KLHL22: variants seen among roughly 807,000 people sequenced by gnomAD.
KLHL22 encodes kelch like family member 22.
Under a neutral mutation model 60.7 loss-of-function variants are expected in KLHL22, and 18 were observed. That is an observed-to-expected ratio of 0.30 (90% CI 0.20 to 0.44). The LOEUF (loss-of-function observed/expected upper bound fraction) is 0.44, where lower values mean the gene tolerates loss of function less well. KLHL22 is among the 20% of genes least tolerant of loss of function. The pLI is 1.00. For missense variants in KLHL22, 596 were observed against 852.3 expected, an observed-to-expected ratio of 0.70 and a Z score of 3.74; for synonymous variants, 355 against 354.5, an observed-to-expected ratio of 1.00 and a Z score of -0.01.
rs572955311 is a variant in KLHL22, at chr22:20,451,005, C to T, written c.1306-4329G>A. The T allele has an allele frequency of 3.2e-5, 50 of 1,541,366 alleles. 1 individual carries two copies. The South Asian group carries it at 4.9e-4, about 15-fold the overall frequency. On this transcript the variant is annotated intron_variant, in intron 5 of 6. Coordinates refer to ENST00000328879, the MANE Select transcript of KLHL22 (RefSeq NM_032775.4). Reference sequence around the variant, plus strand: ...GCTTCGGAAGCCAGCAGTCTCCCATCGATGCAGTAGAGAAATATGACCCCA... The same window carrying T: ...GCTTCGGAAGCCAGCAGTCTCCCATTGATGCAGTAGAGAAATATGACCCCA...
intron 4 of KLHL22, among the ~76,000 whole-genome samples, chr22:20,460,535 G>A (rs1309664991): frequency 7.2e-6 from 1 of 139,350 alleles, no homozygotes; most frequent in Non-Finnish European, 1.5e-5. Flanking sequence ...CTTGAACCCG[G>A]GAGGCAGAAG....
chr22:20,450,328 G>A, intron 5 of KLHL22: 3 of 1,255,510 alleles, frequency 2.4e-6, no homozygotes, highest in Non-Finnish European at 3.5e-6. Flanking sequence ...TATAGAAGGG[G>A]AAACCCTATG....
chr22:20,465,889 C>CACTA lies in KLHL22; in HGVS notation c.394-317_394-314dup, dbSNP rs2053227398. ...GGAGTGCAGTGGCAGAATCTCGGCT[C>CACTA]ACTAACACCTCCCCCTCCCGGGTTG... On this transcript the variant is annotated intron_variant, in intron 3 of 6. Coordinates refer to ENST00000328879, the MANE Select transcript of KLHL22 (RefSeq NM_032775.4). This position sits in a 1 kb window ranked among gnomAD's most constrained non-coding sequence, Gnocchi z 4.9. Among the ~76,000 whole-genome samples, 1 of 152,052 alleles carries CACTA rather than the reference C, an allele frequency of 6.6e-6. No homozygotes were observed. The highest frequency in any genetic ancestry group is 1.5e-5 in the Non-Finnish European group (1 of 68,022).
At chr22:20,449,969 C>T (rs955045621) in intron 5 of KLHL22, among the ~76,000 whole-genome samples, 3 of 152,190 alleles carry the variant, frequency 2.0e-5, no homozygotes, top group Non-Finnish European at 2.9e-5. Flanking sequence ...GGGGCGGCGG[C>T]GGCGACGCTT....
At chr22:20,483,201 C>T (rs1302174772) in intron 2 of KLHL22, 12 of 650,780 alleles carry the variant, frequency 1.8e-5, no homozygotes, top group East Asian at 1.1e-4. Flanking sequence ...AAGGACTGGA[C>T]GTACGTCTCA....
intron 2 of KLHL22, among the ~76,000 whole-genome samples, chr22:20,487,167 G>A (rs952633273): frequency 5.9e-5 from 9 of 152,110 alleles, no homozygotes; most frequent in African/African-American, 1.4e-4. Context: ...TGATCCACCC[G>A]CCTCGGCCTC....
At chr22:20,459,092 G>A (rs1443378222) in intron 4 of KLHL22, among the ~76,000 whole-genome samples, 1 of 152,236 alleles carries the variant, frequency 6.6e-6, no homozygotes, top group Non-Finnish European at 1.5e-5. Context: ...CCAGGACCCA[G>A]TGAGCTCAAA....
At chr22:20,461,649 T>C (rs1157085004) in intron 4 of KLHL22, among the ~76,000 whole-genome samples, 4 of 152,020 alleles carry the variant, frequency 2.6e-5, no homozygotes, top group Non-Finnish European at 5.9e-5. Flanking sequence ...TAATGTCTAT[T>C]AAATTTTTTA....
At chr22:20,444,316 C>G (rs1482680865) in intron 6 of KLHL22, among the ~76,000 whole-genome samples, 1 of 152,178 alleles carries the variant, frequency 6.6e-6, no homozygotes, top group Non-Finnish European at 1.5e-5. Context: ...ATGCCCTGAC[C>G]GCACCCTGGT....
At chr22:20,449,767 T>C (rs1473638221) in intron 5 of KLHL22, among the ~76,000 whole-genome samples, 1 of 152,244 alleles carries the variant, frequency 6.6e-6, no homozygotes. Flanking sequence ...CTTTGTCAGA[T>C]AGGTGGTTTG....
At chr22:20,483,987 T>G in intron 2 of KLHL22, 1 of 704,454 alleles carries the variant, frequency 1.4e-6, no homozygotes, top group Admixed American at 1.9e-5. Context: ...ACCAGAGCCC[T>G]CGGTGCCTGC....
At chr22:20,461,468 G>C (rs914100449) in intron 4 of KLHL22, among the ~76,000 whole-genome samples, 1 of 149,722 alleles carries the variant, frequency 6.7e-6, no homozygotes. Context: ...CAGGAGAATG[G>C]TGTGAACCCA....
chr22:20,446,606 T>C lies in KLHL22; in HGVS notation c.1376A>G (p.Tyr459Cys). 1 of 1,613,826 alleles carries C rather than the reference T, an allele frequency of 6.2e-7. No homozygotes were observed. Among genetic ancestry groups the C allele is most frequent in the Non-Finnish European group, 8.5e-7 (1 of 1,180,030 alleles). The change falls in exon 6 of 7, where the codon TAC becomes TGC. Residue 459 changes from tyrosine to cysteine, a missense_variant. By Grantham distance (194) the Tyr-to-Cys change is radical (BLOSUM62 -2). Coordinates refer to ENST00000328879, the MANE Select transcript of KLHL22 (RefSeq NM_032775.4). ...ATCGTAGCAGTGTGTCTCTTTCAGGTAATCCTCCCCTCTGCGGCCGCAGGT... is the reference window on the plus strand; with the variant it reads ...ATCGTAGCAGTGTGTCTCTTTCAGGCAATCCTCCCCTCTGCGGCCGCAGGT... ...YITCGRRGEDYLKETHCYDPG... is the reference protein window; with the variant it reads ...YITCGRRGEDCLKETHCYDPG...
intron 5 of KLHL22, among the ~76,000 whole-genome samples, chr22:20,453,256 TC>T (rs1200357303): frequency 4.6e-5 from 7 of 152,100 alleles, no homozygotes; most frequent in East Asian, 1.9e-4. Context: ...AAGATTTTCT[TC>T]TTCTTTTTTT....
At chr22:20,483,765 T>C in intron 2 of KLHL22, 1 of 739,840 alleles carries the variant, frequency 1.4e-6, no homozygotes, top group South Asian at 1.3e-5. Context: ...CTCCAAGTGC[T>C]TCTGGATTTT....
chr22:20,457,214 C>G lies in KLHL22; in HGVS notation c.1305+594G>C, dbSNP rs75010137. On this transcript the variant is annotated intron_variant, in intron 5 of 6. Coordinates refer to ENST00000328879, the MANE Select transcript of KLHL22 (RefSeq NM_032775.4). ...TAAAACATCATTTTTCCATAATGAA[C>G]ATAATTTTAAACATCTTCAAATTGG... Among the ~76,000 whole-genome samples, 9 of 152,102 alleles carry G rather than the reference C, an allele frequency of 5.9e-5. No homozygotes were observed. In the South Asian group the frequency reaches 1.9e-3, roughly 32 times the overall value.
intron 4 of KLHL22, among the ~76,000 whole-genome samples, chr22:20,462,379 G>A (rs1041788414): frequency 5.9e-5 from 9 of 151,758 alleles, no homozygotes; most frequent in African/African-American, 1.9e-4. Context: ...TTTAGAGACA[G>A]GGTCTCACTC....
chr22:20,486,864 A>G (rs2053595024), intron 2 of KLHL22, among the ~76,000 whole-genome samples: 2 of 150,680 alleles, frequency 1.3e-5, no homozygotes, highest in African/African-American at 4.9e-5. Context: ...TATTTTTAGT[A>G]GAGACAGGGT....
intron 2 of KLHL22, chr22:20,488,755 A>G: frequency 1.7e-6 from 1 of 582,260 alleles, no homozygotes; most frequent in East Asian, 2.8e-5. Flanking sequence ...AAGGAAGAGA[A>G]GAGAGGGAAG....
Sources: gnomAD v4.1 joint callset for allele counts (sites outside exome capture counted in the v4.1 genomes callset) on GRCh38, gnomAD v4.1.1 for gene constraint, Gnocchi (gnomAD v3.1) non-coding constraint, MANE v1.5 for transcripts, NCBI Gene and HGNC (gene_info 2026-07-23, HGNC 2026-07-21) for gene names.